Variants in WHRN observed in about 807,000 individuals in gnomAD.
The protein encoded by WHRN is whirlin, also known as CASK-interacting protein CIP98.
WHRN carries 41 observed loss-of-function variants against 68.3 expected under a neutral mutation model. The observed-to-expected ratio is 0.60, with a 90% CI of 0.47 to 0.78. The LOEUF is 0.78. WHRN is among the 30% of genes least tolerant of loss of function. The probability of loss-of-function intolerance (pLI) is 0.00; values close to 1 mark genes in which losing one functional copy is unlikely to be tolerated. For missense variants in WHRN, 1,243 were observed against 1,244.7 expected (o/e 1.00, Z 0.02); for synonymous variants, 560 against 561.3 (o/e 1.00, Z 0.03).
rs1052883317 is a variant in WHRN at position 114,449,375 on chromosome 9, T to A, written c.963+16892A>T. Reference sequence around the variant, plus strand: ...TGGACAGAATGGTTCACAGGGACCCTGAGCACACGAACAAATGATCTCACC... The same window carrying A: ...TGGACAGAATGGTTCACAGGGACCCAGAGCACACGAACAAATGATCTCACC... On this transcript the variant is annotated intron_variant, in intron 3 of 11. Transcript: ENST00000362057. Among the ~76,000 whole-genome samples the A allele has an allele frequency of 9.9e-5, 15 of 152,230 alleles. 1 individual carries two copies. The highest frequency in any genetic ancestry group is 3.6e-4 in the African/African-American group (15 of 41,440).
chr9:114,494,449 T>G (rs1789355633), intron 1 of WHRN, among the ~76,000 whole-genome samples: 1 of 152,228 alleles, frequency 6.6e-6, no homozygotes, highest in African/African-American at 2.4e-5. Flanking sequence ...TACTTTACTA[T>G]TATTCCCATT....
Position 114,478,546 on chromosome 9 carries a change from C to T in WHRN, c.837+7G>A, listed in dbSNP as rs1400422103. Reference sequence around the variant, plus strand: ...AGAGGCTGGCCTCCTTTCCCCACCCCACTCACCTTTTTCTCATCCCCTCCT... The same window carrying T: ...AGAGGCTGGCCTCCTTTCCCCACCCTACTCACCTTTTTCTCATCCCCTCCT... On this transcript the variant is annotated splice_region_variant and intron_variant, in intron 2 of 11. Coordinates refer to ENST00000362057, the MANE Select transcript of WHRN (RefSeq NM_015404.4). The T allele has an allele frequency of 1.2e-6, 2 of 1,614,028 alleles. No individual in the cohort carries two copies. The highest frequency in any genetic ancestry group is 1.1e-5 in the South Asian group (1 of 91,084).
At chr9:114,425,417 G>A in intron 4 of WHRN, 2 of 547,120 alleles carry the variant, frequency 3.7e-6, no homozygotes, top group Non-Finnish European at 6.5e-6. Context: ...ACTCGCAGGT[G>A]CGGCTCAGCT....
chr9:114,455,556 C>CA (rs914093374), intron 3 of WHRN, among the ~76,000 whole-genome samples: 65 of 150,268 alleles, frequency 4.3e-4, no homozygotes, highest in South Asian at 6.5e-4. Context: ...ACAAAAAATA[C>CA]AAAAAAAATT....
intron 1 of WHRN, among the ~76,000 whole-genome samples, chr9:114,500,673 T>C (rs1344736888): frequency 6.6e-6 from 1 of 152,234 alleles, no homozygotes; most frequent in Non-Finnish European, 1.5e-5. Context: ...CTACCCTGTG[T>C]TCTGCTACCG....
chr9:114,419,355 C>A lies in WHRN; in HGVS notation c.1626+3959G>T, dbSNP rs558414716. Among the ~76,000 whole-genome samples, 3 of 152,344 alleles carry A rather than the reference C, an allele frequency of 2.0e-5. No homozygotes were observed. The South Asian group carries it at 6.2e-4, about 32-fold the overall frequency. ...GAGAACATTCAACAAATCTCAGCCACTATTGTTATTAATAAAGGCCCAAAT... is the reference window on the plus strand; with the variant it reads ...GAGAACATTCAACAAATCTCAGCCAATATTGTTATTAATAAAGGCCCAAAT... On this transcript the variant is annotated intron_variant, in intron 7 of 11. Transcript: ENST00000362057.
intron 1 of WHRN, among the ~76,000 whole-genome samples, chr9:114,493,350 T>C (rs1428202784): frequency 2.1e-5 from 2 of 96,678 alleles, no homozygotes; most frequent in African/African-American, 8.4e-5. Context: ...GACCCTATCT[T>C]TTTTTTAAAA....
At chr9:114,403,375 G>A (rs537447913) in intron 10 of WHRN, 36 bp from the exon 11 acceptor site, 62 of 1,613,450 alleles carry the variant, frequency 3.8e-5, no homozygotes, top group Admixed American at 3.8e-4. Context: ...TGAGGCCTTC[G>A]CAGTTGGCAG....
At chr9:114,494,660 G>T (rs1462598557) in intron 1 of WHRN, among the ~76,000 whole-genome samples, 3 of 152,176 alleles carry the variant, frequency 2.0e-5, no homozygotes, top group African/African-American at 7.2e-5. Context: ...GTAAATCCTG[G>T]CTCTGTCACT....
chr9:114,430,664 G>A (rs970331634), intron 3 of WHRN, among the ~76,000 whole-genome samples: 3 of 152,208 alleles, frequency 2.0e-5, no homozygotes, highest in Non-Finnish European at 4.4e-5. Context: ...GAGTCACATT[G>A]TCCTCATGCC....
rs554329000 is a variant in WHRN at position 114,465,161 on chromosome 9, C to T, written c.963+1106G>A. 6.6e-5 allele frequency among the ~76,000 whole-genome samples: 10 copies of T among 152,328 alleles called. No homozygotes were observed. In the South Asian group the frequency reaches 1.9e-3, roughly 28 times the overall value. ...AGAGCTCTTCCCACAATGCCTGTTT[C>T]CTAAGAGAACCTGACAGACGTATCG... On this transcript the variant is annotated intron_variant, in intron 3 of 11. Coordinates refer to ENST00000362057, the MANE Select transcript of WHRN (RefSeq NM_015404.4).
In WHRN at chr9:114,504,405, C is replaced by T. The variant is rs765120064; in HGVS notation, c.397G>A (p.Ala133Thr). ...RQPAWGGPDS[A>T]GPGEVRLVSL... Reference sequence around the variant, plus strand: ...ACCAGGCGCACCTCCCCTGGCCCCGCGCTGTCGGGGCCGCCCCAGGCGGGC... The same window carrying T: ...ACCAGGCGCACCTCCCCTGGCCCCGTGCTGTCGGGGCCGCCCCAGGCGGGC... Residue 133 changes from alanine (A) to threonine (T), a missense_variant, in exon 1 of 12, where the codon GCG becomes ACG. Coordinates refer to ENST00000362057, the MANE Select transcript of WHRN (RefSeq NM_015404.4). The T allele has an allele frequency of 6.2e-7, 1 of 1,605,392 alleles. No individual in the cohort carries two copies. Among genetic ancestry groups the T allele is most frequent in the Non-Finnish European group, 8.5e-7 (1 of 1,179,240 alleles).
chr9:114,438,185 A>C (rs1439875611), intron 3 of WHRN, among the ~76,000 whole-genome samples: 1 of 152,076 alleles, frequency 6.6e-6, no homozygotes, highest in Non-Finnish European at 1.5e-5. Context: ...CAGTGAGTCG[A>C]GACTGTGCCA....
rs558378601 is a variant in WHRN, at chr9:114,413,114, C to T, written c.1627-5096G>A. Among the ~76,000 whole-genome samples, 3 of 152,326 alleles carry T rather than the reference C, an allele frequency of 2.0e-5. No homozygotes were observed. In the East Asian group the frequency reaches 5.8e-4, roughly 29 times the overall value. ...CATTCTGTATGTGGGGAAACTGAGG[C>T]ACTGAGTCACAAAGGCCTCTGGATA... On this transcript the variant is annotated intron_variant, in intron 7 of 11. Transcript: ENST00000362057.
At chr9:114,452,348 C>T (rs1839411197) in intron 3 of WHRN, among the ~76,000 whole-genome samples, 1 of 152,228 alleles carries the variant, frequency 6.6e-6, no homozygotes, top group African/African-American at 2.4e-5. Context: ...GTGGGGAGAG[C>T]TGGCTGGCCG....
intron 2 of WHRN, among the ~76,000 whole-genome samples, chr9:114,472,343 C>T (rs1181064334): frequency 6.6e-6 from 1 of 152,212 alleles, no homozygotes; most frequent in African/African-American, 2.4e-5. Flanking sequence ...TCTGTAATCT[C>T]ACAGGTCTTG....
chr9:114,440,966 CATT>C (rs1216721803), intron 3 of WHRN, among the ~76,000 whole-genome samples: 1 of 152,142 alleles, frequency 6.6e-6, no homozygotes, highest in Non-Finnish European at 1.5e-5. Context: ...AAAGTCATGA[CATT>C]ATAAGAAAAA....
At chr9:114,413,320 C>A (rs1835584269) in intron 7 of WHRN, among the ~76,000 whole-genome samples, 1 of 152,210 alleles carries the variant, frequency 6.6e-6, no homozygotes, top group Non-Finnish European at 1.5e-5. Context: ...AAGAGCAGGG[C>A]AAGTCCGGTG....
At chr9:114,465,886 A>C (rs1044993348) in intron 3 of WHRN, among the ~76,000 whole-genome samples, 12 of 152,156 alleles carry the variant, frequency 7.9e-5, no homozygotes, top group African/African-American at 2.9e-4. Context: ...AGCCAGTAAT[A>C]TTTCAATAAC....
Sources: gnomAD v4.1 joint callset for allele counts (sites outside exome capture counted in the v4.1 genomes callset) on GRCh38, gnomAD v4.1.1 for gene constraint, MANE v1.5 for transcripts, NCBI Gene and HGNC (gene_info 2026-07-23, HGNC 2026-07-21) for gene names.